The following KCNN3 variants were observed in gnomAD, a reference collection of about 807,000 sequenced individuals.
KCNN3 encodes the protein small conductance calcium-activated potassium channel protein 3.
KCNN3 carries 16 observed loss-of-function variants against 62.9 expected under a neutral mutation model. That is an observed-to-expected ratio of 0.25 (90% confidence interval 0.17 to 0.39). The LOEUF (loss-of-function observed/expected upper bound fraction) is 0.39, where lower values mean the gene tolerates loss of function less well. Among genes scored for constraint, KCNN3 ranks in the 10% least tolerant of loss-of-function variants. The probability of loss-of-function intolerance (pLI) is 1.00; values close to 1 mark genes in which losing one functional copy is unlikely to be tolerated. For missense variants in KCNN3, 599 were observed against 949.4 expected (o/e 0.63, Z 4.85); for synonymous variants, 370 against 389.2 (o/e 0.95, Z 0.58).
At chr1:154,710,922 G>A (rs923575980) in intron 7 of KCNN3, among the ~76,000 whole-genome samples, 1 of 152,192 alleles carries the variant, frequency 6.6e-6, no homozygotes, top group African/African-American at 2.4e-5. Context: ...AACCATTGTG[G>A]AAGTCAGTGT....
intron 1 of KCNN3, among the ~76,000 whole-genome samples, chr1:154,837,773 A>G (rs184641020): frequency 1.1e-3 from 170 of 152,016 alleles, no homozygotes; most frequent in African/African-American, 3.7e-3. Context: ...CAGACATCTC[A>G]CAGATGTCAC....
chr1:154,820,505 G>A (rs1210285282), intron 2 of KCNN3, among the ~76,000 whole-genome samples: 1 of 152,226 alleles, frequency 6.6e-6, no homozygotes, highest in Non-Finnish European at 1.5e-5. Flanking sequence ...CCCTACAGAT[G>A]AGAACATGAA....
In KCNN3 at chr1:154,772,220, G is replaced by A. The variant is rs755251545; in HGVS notation, c.1203C>T (p.Ala401=). 15 of 1,614,112 alleles carry A rather than the reference G, an allele frequency of 9.3e-6. No homozygotes were observed. Among genetic ancestry groups the A allele is most frequent in the African/African-American group, 1.3e-5 (1 of 74,938 alleles). The change falls in exon 3 of 8, where the codon GCC becomes GCT. Residue 401 remains alanine, a synonymous_variant. Transcript: ENST00000271915. This position sits in a 1 kb window ranked among gnomAD's most constrained non-coding sequence, Gnocchi z 5.6. ...AFSYTPSRAE[A]DVDIILSIPM... ...GGATAGACAGGATGATGTCCACATC[G>A]GCCTCCGCCCGGGAGGGTGTGTAGG...
chr1:154,730,127 G>T (rs1018285276), intron 4 of KCNN3, among the ~76,000 whole-genome samples: 1 of 152,200 alleles, frequency 6.6e-6, no homozygotes, highest in African/African-American at 2.4e-5. Flanking sequence ...AATATTGACA[G>T]CTTTCTCTCT....
At chr1:154,778,416 C>G (rs2101847079) in intron 2 of KCNN3, among the ~76,000 whole-genome samples, 1 of 152,248 alleles carries the variant, frequency 6.6e-6, no homozygotes, top group East Asian at 1.9e-4. Flanking sequence ...GATTAGGATG[C>G]AATTTGAAAA....
intron 3 of KCNN3, among the ~76,000 whole-genome samples, chr1:154,755,958 A>G (rs1195314450): frequency 6.5e-4 from 55 of 84,906 alleles, no homozygotes; most frequent in African/African-American, 1.1e-3. Context: ...GAGGAGGAGG[A>G]GGGGTTGGGG....
intron 3 of KCNN3, among the ~76,000 whole-genome samples, chr1:154,751,595 G>A (rs916194237): frequency 3.3e-5 from 5 of 152,116 alleles, no homozygotes; most frequent in Admixed American, 1.3e-4. Flanking sequence ...AGGAGAGGGC[G>A]TGCCAGTGCC....
chr1:154,783,511 C>T (rs2101853264), intron 2 of KCNN3, among the ~76,000 whole-genome samples: 1 of 150,920 alleles, frequency 6.6e-6, no homozygotes, highest in African/African-American at 2.4e-5. Context: ...GTGATGGGGT[C>T]CCTAGCGAGG....
rs12131774 is a variant in KCNN3 at position 154,766,419 on chromosome 1, T to A, written c.1448+5556A>T. Among the ~76,000 whole-genome samples the A allele has an allele frequency of 4.8e-3, 408 of 85,332 alleles. 16 individuals carry two copies. The highest frequency in any genetic ancestry group is 7.3e-3 in the Non-Finnish European group (257 of 35,000). 56.0% of individuals were successfully genotyped at this position (85,332 alleles called of 152,430 possible). A position where few individuals can be genotyped will look rare whatever the true frequency, so the allele number is the denominator to read the frequency against. On this transcript the variant is annotated intron_variant, in intron 3 of 7. Transcript: ENST00000271915. ...TTTATTAAATACTAGCCAGGCTTTA[T>A]ATATATATATATATATATATATATG...
chr1:154,725,868 C>T (rs1700451322), intron 5 of KCNN3, 48 bp downstream of exon 5: 1 of 1,420,840 alleles, frequency 7.0e-7, no homozygotes, highest in Non-Finnish European at 9.9e-7. Flanking sequence ...GATTGGCTTC[C>T]ACTGTGGCCT....
At chr1:154,796,569 A>G (rs912891792) in intron 2 of KCNN3, among the ~76,000 whole-genome samples, 5 of 152,248 alleles carry the variant, frequency 3.3e-5, no homozygotes, top group Admixed American at 1.3e-4. Flanking sequence ...GTTACAATTC[A>G]TCTGGCTGCA....
chr1:154,773,250 G>GT (rs556864649), intron 2 of KCNN3, among the ~76,000 whole-genome samples: 185 of 152,278 alleles, frequency 1.2e-3, no homozygotes, highest in African/African-American at 4.2e-3. Context: ...CCCTGGACAC[G>GT]TGGAGTGTTG....
intron 2 of KCNN3, among the ~76,000 whole-genome samples, chr1:154,816,850 C>T (rs980178716): frequency 2.0e-5 from 3 of 152,214 alleles, no homozygotes; most frequent in African/African-American, 7.2e-5. Flanking sequence ...TCTGCTGCTG[C>T]CTACAGGACA....
intron 1 of KCNN3, among the ~76,000 whole-genome samples, chr1:154,843,676 A>C (rs1651925944): frequency 6.6e-6 from 1 of 152,204 alleles, no homozygotes; most frequent in Admixed American, 6.5e-5. Flanking sequence ...ACAGTGAGAA[A>C]CGCTGAGAGA....
intron 1 of KCNN3, among the ~76,000 whole-genome samples, chr1:154,856,211 G>A (rs890467332): frequency 2.0e-5 from 3 of 152,190 alleles, no homozygotes; most frequent in Non-Finnish European, 2.9e-5. Flanking sequence ...AGCAGGACTC[G>A]TGCCAAGGGC....
At chr1:154,818,066 TTCAG>T (rs1422425439) in intron 2 of KCNN3, among the ~76,000 whole-genome samples, 1 of 152,184 alleles carries the variant, frequency 6.6e-6, no homozygotes, top group Admixed American at 6.5e-5. Context: ...GAGCATGGTT[TTCAG>T]TCAGAGTTTT....
At chr1:154,805,155 G>A (rs1650117444) in intron 2 of KCNN3, among the ~76,000 whole-genome samples, 1 of 152,156 alleles carries the variant, frequency 6.6e-6, no homozygotes, top group Non-Finnish European at 1.5e-5. Context: ...CGGTGAAGAG[G>A]AAACAGGGGG....
intron 5 of KCNN3, among the ~76,000 whole-genome samples, chr1:154,716,903 C>T (rs1470778828): frequency 2.0e-5 from 3 of 152,198 alleles, no homozygotes; most frequent in Non-Finnish European, 2.9e-5. Context: ...TACTACTGCC[C>T]TCCTCTTGCA....
At chr1:154,709,473 C>T (rs1434561787) in intron 7 of KCNN3, among the ~76,000 whole-genome samples, 1 of 151,962 alleles carries the variant, frequency 6.6e-6, no homozygotes, top group Non-Finnish European at 1.5e-5. Context: ...ATTTATGCCC[C>T]AGGGACCAAA....
Sources: gnomAD v4.1 joint callset for allele counts (sites outside exome capture counted in the v4.1 genomes callset) on GRCh38, gnomAD v4.1.1 for gene constraint, Gnocchi (gnomAD v3.1) non-coding constraint, MANE v1.5 for transcripts, NCBI Gene and HGNC (gene_info 2026-07-23, HGNC 2026-07-21) for gene names.